The following XPNPEP1 variants were observed in gnomAD, a reference collection of about 807,000 sequenced individuals.
The protein encoded by XPNPEP1 is X-prolyl aminopeptidase 1.
XPNPEP1 carries 39 observed loss-of-function variants against 92.4 expected under a neutral mutation model. The ratio of observed to expected loss-of-function variants is 0.42; its 90% CI spans 0.33 to 0.55. The LOEUF is 0.55. XPNPEP1 is among the 20% of genes least tolerant of loss of function. XPNPEP1 has a pLI of 0.08. For missense variants in XPNPEP1, 654 were observed against 856.1 expected, an observed-to-expected ratio of 0.76 and a Z score of 2.95; for synonymous variants, 307 against 299.4, an observed-to-expected ratio of 1.03 and a Z score of -0.26.
intron 2 of XPNPEP1, among the ~76,000 whole-genome samples, chr10:109,910,578 G>A (rs1334945529): frequency 3.3e-5 from 5 of 151,982 alleles, no homozygotes; most frequent in African/African-American, 4.8e-5. Context: ...TGCATTTAAG[G>A]TTCCTCTATG....
chr10:109,875,656 GGGA>G lies in XPNPEP1; in HGVS notation c.1320-60_1320-58del. 3.3e-6 allele frequency: 5 copies of G among 1,499,972 alleles called. No individual in the cohort carries two copies. The East Asian group carries it at 7.1e-5, about 21-fold the overall frequency. The allele number at this position is 1,499,972 out of a possible 1,614,324, so 92.9% of individuals were successfully genotyped here. ...ACAAATGTAAACACTTAGTGAATCT[GGGA>G]GGAGGACACACAAGAGCTCTTTGTA... On this transcript the variant is annotated intron_variant, in intron 14 of 20. Coordinates refer to ENST00000502935, the MANE Select transcript of XPNPEP1 (RefSeq NM_020383.4).
At chr10:109,873,480 A>G (rs1321135058) in intron 15 of XPNPEP1, 53 bp from the exon 16 acceptor site, 2 of 1,609,642 alleles carry the variant, frequency 1.2e-6, no homozygotes, top group Middle Eastern at 1.6e-4. Context: ...TTTAAGTCAA[A>G]TATGACACAG....
At position 109,877,980 on chromosome 10, in the gene XPNPEP1, C is replaced by T. The variant is rs528595380; in HGVS notation, c.1241+20G>A. On this transcript the variant is annotated intron_variant, in intron 13 of 20. Coordinates refer to ENST00000502935, the MANE Select transcript of XPNPEP1 (RefSeq NM_020383.4). ...GAAAATCAGCACGAGGCTCCTGGGT[C>T]CCCCCAAATGGATCCTTACCTGCGA... The T allele has an allele frequency of 2.5e-6, 4 of 1,614,076 alleles. No individual in the cohort carries two copies.
At position 109,872,980 on chromosome 10, in the gene XPNPEP1, T is replaced by G. The variant is rs1344069324; in HGVS notation, c.1452+387A>C. Reference sequence around the variant, plus strand: ...GTCATTTCAGAAAGTTTCCAGAGAGTTAAGCCTGTAAATAAGAATCTCAAA... The same window carrying G: ...GTCATTTCAGAAAGTTTCCAGAGAGGTAAGCCTGTAAATAAGAATCTCAAA... On this transcript the variant is annotated intron_variant, in intron 16 of 20. Transcript: ENST00000502935. 3.3e-5 allele frequency among the ~76,000 whole-genome samples: 5 copies of G among 152,052 alleles called. No individual in the cohort carries two copies. The South Asian group carries it at 8.3e-4, about 25-fold the overall frequency.
rs1850110055 is a variant in XPNPEP1, at chr10:109,915,044, C to A, written c.88G>T (p.Val30Leu). 2 of 1,531,138 alleles carry A rather than the reference C, an allele frequency of 1.3e-6. No individual in the cohort carries two copies. Among genetic ancestry groups the A allele is most frequent in the East Asian group, 4.9e-5 (2 of 40,734 alleles). The allele number at this position is 1,531,138 out of a possible 1,614,324, so 94.8% of individuals were successfully genotyped here. Residue 30 changes from valine (V) to leucine (L), a missense_variant, in exon 2 of 21, where the codon GTG (valine) becomes TTG (leucine). Coordinates refer to ENST00000502935, the MANE Select transcript of XPNPEP1 (RefSeq NM_020383.4). ...RNLRIIEPNE[V>L]THSGDTGVET... ...ACACCTGTGTCTCCTGAGTGTGTCA[C>A]CTCGTTAGGTTCAATTATTCTTAAA...
chr10:109,888,015 A>T (rs1848491167), intron 7 of XPNPEP1, 34 bp downstream of exon 7: 2 of 1,609,566 alleles, frequency 1.2e-6, no homozygotes, highest in African/African-American at 1.3e-5. Flanking sequence ...GGACAATGGC[A>T]GGGGCCCTGC....
chr10:109,902,582 G>A (rs751509262), intron 3 of XPNPEP1, among the ~76,000 whole-genome samples: 4 of 152,160 alleles, frequency 2.6e-5, no homozygotes, highest in Non-Finnish European at 5.9e-5. Flanking sequence ...ATTTCTCCAC[G>A]TATGTAAGAC....
chr10:109,865,012 T>A lies in XPNPEP1; in HGVS notation c.*172A>T, dbSNP rs993806909. 7.1e-5 allele frequency: 65 copies of A among 921,432 alleles called. No individual in the cohort carries two copies. The African/African-American group carries it at 1.0e-3, about 15-fold the overall frequency. The allele number at this position is 921,432 out of a possible 1,614,324, so 57.1% of individuals were successfully genotyped here. Reference sequence around the variant, plus strand: ...AATTAAAAAATCATAAAAGACTGAGTGTTTGCAATAAAATATCAAAGAGGA... The same window carrying A: ...AATTAAAAAATCATAAAAGACTGAGAGTTTGCAATAAAATATCAAAGAGGA... On this transcript the variant is annotated 3_prime_UTR_variant, in exon 21 of 21. Transcript: ENST00000502935.
chr10:109,911,181 A>C (rs1203565584), intron 2 of XPNPEP1, among the ~76,000 whole-genome samples: 1 of 152,274 alleles, frequency 6.6e-6, no homozygotes, highest in Non-Finnish European at 1.5e-5. Context: ...AGAAGAGAGA[A>C]GTACTCAAAG....
intron 9 of XPNPEP1, among the ~76,000 whole-genome samples, chr10:109,883,481 T>C (rs916383988): frequency 6.6e-6 from 1 of 152,150 alleles, no homozygotes; most frequent in African/African-American, 2.4e-5. Flanking sequence ...TGTGCCCAAA[T>C]ACTTTAGAAA....
intron 2 of XPNPEP1, among the ~76,000 whole-genome samples, chr10:109,914,388 C>G (rs762153574): frequency 6.6e-5 from 10 of 152,020 alleles, no homozygotes; most frequent in African/African-American, 9.7e-5. Context: ...AAATAGAGAA[C>G]ATTTTCCATA....
At chr10:109,876,642 T>C (rs912186346) in intron 14 of XPNPEP1, 2 of 152,242 alleles carry the variant, frequency 1.3e-5, no homozygotes, top group Admixed American at 1.3e-4. Flanking sequence ...TGTGACTGTC[T>C]CCCACACACA....
At chr10:109,885,030 A>C (rs1848317160) in intron 8 of XPNPEP1, among the ~76,000 whole-genome samples, 1 of 152,224 alleles carries the variant, frequency 6.6e-6, no homozygotes, top group African/African-American at 2.4e-5. Flanking sequence ...AAATTCAAAT[A>C]CAAAGGTGCA....
chr10:109,879,763 T>C (rs1448927889), intron 12 of XPNPEP1, among the ~76,000 whole-genome samples: 2 of 152,042 alleles, frequency 1.3e-5, no homozygotes, highest in African/African-American at 4.8e-5. Flanking sequence ...CACCCTCTTG[T>C]CAACTAGAGC....
intron 16 of XPNPEP1, 98 bp from the exon 17 acceptor site, chr10:109,871,959 A>T: frequency 8.9e-6 from 11 of 1,236,740 alleles, no homozygotes; most frequent in Non-Finnish European, 1.1e-5. Flanking sequence ...TAAAGTTTTT[A>T]GCAATATCAT....
chr10:109,865,831 G>A (rs1449117237), intron 20 of XPNPEP1, among the ~76,000 whole-genome samples: 2 of 152,206 alleles, frequency 1.3e-5, no homozygotes, highest in African/African-American at 2.4e-5. Context: ...AAAGACTGTG[G>A]TGCAGCAGAA....
Position 109,877,822 on chromosome 10 carries a change from A to G in XPNPEP1, c.1287T>C (p.Ser429=). Residue 429 remains serine (S), a synonymous_variant, in exon 14 of 21, where the codon AGT becomes AGC. Transcript: ENST00000502935. ...GAATGATGGCGCCGTTGGGTCCCGT[A>G]CTGGAAATTGTTGGGAAGCTCAGGT... ...FVDLSFPTIS[S]TGPNGAIIHY... 1 of 1,614,236 alleles carries G rather than the reference A, an allele frequency of 6.2e-7. No homozygotes were observed. The highest frequency in any genetic ancestry group is 1.7e-5 in the Admixed American group (1 of 60,026).
chr10:109,893,328 G>C (rs553186799), intron 3 of XPNPEP1: 1 of 370,378 alleles, frequency 2.7e-6, no homozygotes, highest in South Asian at 9.4e-5. Context: ...AGCACATCAG[G>C]AGAAACAGAT....
At position 109,918,040 on chromosome 10, in the gene XPNPEP1, G is replaced by A. The variant is rs188613590; in HGVS notation, c.33-2941C>T. On this transcript the variant is annotated intron_variant, in intron 1 of 20. Coordinates refer to ENST00000502935, the MANE Select transcript of XPNPEP1 (RefSeq NM_020383.4). ...AGGTGGGGTGGATCACTTGAGCCCTGGAGGTCAAGGCTGCAGTGAGCCATG... is the reference window on the plus strand; with the variant it reads ...AGGTGGGGTGGATCACTTGAGCCCTAGAGGTCAAGGCTGCAGTGAGCCATG... Among the ~76,000 whole-genome samples, 73 of 152,154 alleles carry A rather than the reference G, an allele frequency of 4.8e-4. 1 individual carries two copies. In the East Asian group the frequency reaches 0.011, roughly 23 times the overall value.
Sources: allele counts gnomAD v4.1 joint callset (sites outside exome capture counted in the v4.1 genomes callset), GRCh38; gene constraint gnomAD v4.1.1; transcripts MANE v1.5; gene names NCBI Gene and HGNC (gene_info 2026-07-23, HGNC 2026-07-21).